Variants in KLHL1 observed in about 807,000 individuals in gnomAD.
KLHL1 encodes kelch like family member 1, also known as kelch-like protein 1.
A neutral mutation model predicts 77.7 loss-of-function variants in KLHL1; 47 were observed. The observed-to-expected ratio is 0.60, with a 90% CI of 0.48 to 0.77. The LOEUF is 0.77. KLHL1 is among the 30% of genes least tolerant of loss of function. KLHL1 has a pLI of 0.00. For missense variants in KLHL1, 925 were observed against 910.8 expected, an observed-to-expected ratio of 1.02 and a Z score of -0.20; for synonymous variants, 360 against 325.2, an observed-to-expected ratio of 1.11 and a Z score of -1.15.
At chr13:69,919,975 G>T (rs1260148001) in intron 4 of KLHL1, among the ~76,000 whole-genome samples, 2 of 151,912 alleles carry the variant, frequency 1.3e-5, no homozygotes, top group Non-Finnish European at 2.9e-5. Flanking sequence ...TAACTCACTT[G>T]CTTGCTTGTA....
chr13:69,912,063 T>C (rs1309405829), intron 4 of KLHL1, among the ~76,000 whole-genome samples: 1 of 152,140 alleles, frequency 6.6e-6, no homozygotes, highest in Non-Finnish European at 1.5e-5. Context: ...TCTCAACTTG[T>C]TAAGATAAAG....
intron 3 of KLHL1, among the ~76,000 whole-genome samples, chr13:69,952,241 C>A (rs191185922): frequency 1.3e-5 from 2 of 151,208 alleles, no homozygotes; most frequent in Non-Finnish European, 3.0e-5. Context: ...AGTGCATAGC[C>A]CAGGAAAACA....
At chr13:69,765,078 A>C (rs1033354323) in intron 7 of KLHL1, among the ~76,000 whole-genome samples, 1 of 150,552 alleles carries the variant, frequency 6.6e-6, no homozygotes, top group Non-Finnish European at 1.5e-5. Flanking sequence ...TAAACTCCTG[A>C]GTACCTGGGA....
At chr13:70,068,850 C>G (rs559896377) in intron 1 of KLHL1, among the ~76,000 whole-genome samples, 1 of 152,222 alleles carries the variant, frequency 6.6e-6, no homozygotes, top group East Asian at 1.9e-4. Flanking sequence ...GGGGCTCAGT[C>G]TCGTCGTGGG....
intron 1 of KLHL1, among the ~76,000 whole-genome samples, chr13:70,093,711 T>G (rs1175118584): frequency 2.0e-5 from 3 of 152,186 alleles, no homozygotes; most frequent in Non-Finnish European, 4.4e-5. Flanking sequence ...TTTATGACTT[T>G]GTTTTCTCAT....
At chr13:69,924,475 T>C (rs1296056165) in intron 4 of KLHL1, among the ~76,000 whole-genome samples, 1 of 152,180 alleles carries the variant, frequency 6.6e-6, no homozygotes, top group African/African-American at 2.4e-5. Flanking sequence ...TCTCACCCCT[T>C]CTGAGAGCTG....
intron 2 of KLHL1, among the ~76,000 whole-genome samples, chr13:69,962,373 A>T (rs1367453576): frequency 6.6e-6 from 1 of 151,978 alleles, no homozygotes; most frequent in East Asian, 1.9e-4. Context: ...TTCTTTTTAC[A>T]TTTAGGTAGA....
At chr13:70,069,135 G>A (rs1021400220) in intron 1 of KLHL1, among the ~76,000 whole-genome samples, 5 of 152,080 alleles carry the variant, frequency 3.3e-5, no homozygotes, top group Admixed American at 6.6e-5. Flanking sequence ...ACTAAAAGAC[G>A]GAGACCTAGT....
Position 69,785,833 on chromosome 13 carries a change from C to A in KLHL1, c.1639+10905G>T, listed in dbSNP as rs188196838. ...AAAATGATAAAGGGGATATCGCCAC[C>A]GATCCCACAGAAATACAAACTACCA... On this transcript the variant is annotated intron_variant, in intron 7 of 10. Transcript: ENST00000377844. 3.8e-3 allele frequency among the ~76,000 whole-genome samples: 582 copies of A among 152,088 alleles called. 3 individuals carry two copies. Among genetic ancestry groups the A allele is most frequent in the African/African-American group, 0.013 (554 of 41,502 alleles).
intron 5 of KLHL1, among the ~76,000 whole-genome samples, chr13:69,839,667 T>C (rs989220335): frequency 2.0e-5 from 3 of 151,946 alleles, no homozygotes; most frequent in Non-Finnish European, 4.4e-5. Context: ...TAACATCTCT[T>C]TAATTATATA....
chr13:69,883,744 C>T (rs1881092146), intron 4 of KLHL1, among the ~76,000 whole-genome samples: 1 of 152,178 alleles, frequency 6.6e-6, no homozygotes, highest in African/African-American at 2.4e-5. Context: ...CAGGATGGTA[C>T]AGTGTTTTAA....
intron 5 of KLHL1, among the ~76,000 whole-genome samples, chr13:69,868,658 C>T (rs1395136261): frequency 6.6e-6 from 1 of 151,968 alleles, no homozygotes; most frequent in Non-Finnish European, 1.5e-5. Context: ...TTGTGAGTAT[C>T]ATGATGATAG....
intron 3 of KLHL1, among the ~76,000 whole-genome samples, chr13:69,960,895 T>C (rs1884042003): frequency 6.6e-6 from 1 of 152,028 alleles, no homozygotes; most frequent in African/African-American, 2.4e-5. Flanking sequence ...ACATTAACTA[T>C]TCCGTGAAAA....
intron 8 of KLHL1, among the ~76,000 whole-genome samples, chr13:69,719,969 T>C (rs75118882): frequency 0.089 from 13,524 of 152,112 alleles, 830 homozygotes; most frequent in African/African-American, 0.17. Context: ...CATTATCCTA[T>C]TTGTTGATAA....
At chr13:70,036,680 CAAT>C (rs1886245722) in intron 1 of KLHL1, among the ~76,000 whole-genome samples, 1 of 151,758 alleles carries the variant, frequency 6.6e-6, no homozygotes, top group African/African-American at 2.4e-5. Context: ...TGTTCATTTT[CAAT>C]GAAGTAGGAT....
intron 6 of KLHL1, among the ~76,000 whole-genome samples, chr13:69,825,543 T>G (rs1304338260): frequency 6.6e-6 from 1 of 152,142 alleles, no homozygotes; most frequent in Non-Finnish European, 1.5e-5. Context: ...ATATTTATAT[T>G]TTGTATTTTA....
At chr13:69,780,514 C>G (rs1009951965) in intron 7 of KLHL1, among the ~76,000 whole-genome samples, 1 of 151,482 alleles carries the variant, frequency 6.6e-6, no homozygotes, top group African/African-American at 2.4e-5. Context: ...TGAAAGCTGA[C>G]AGCCTAAAAT....
In KLHL1 at chr13:69,882,399, C is replaced by G; in HGVS notation, c.1111G>C (p.Asp371His). The change falls in exon 5 of 11, where the codon GAT (aspartate) becomes CAT (histidine). Residue 371 changes from aspartate to histidine, a missense_variant. Transcript: ENST00000377844. ...LLASDDVNVP[D>H]EETIFHALMM... ...AATGCATGGAAGATGGTTTCTTCAT[C>G]AGGAACATTGACATCATCACTGGCC... The G allele has an allele frequency of 6.2e-7, 1 of 1,613,590 alleles. No homozygotes were observed. The highest frequency in any genetic ancestry group is 1.7e-5 in the Admixed American group (1 of 59,990).
At chr13:69,771,876 A>G (rs1477750778) in intron 7 of KLHL1, among the ~76,000 whole-genome samples, 1 of 152,242 alleles carries the variant, frequency 6.6e-6, no homozygotes, top group African/African-American at 2.4e-5. Context: ...ACTTCAAAAT[A>G]GCAAATACCA....
Sources: allele counts gnomAD v4.1 joint callset (sites outside exome capture counted in the v4.1 genomes callset), GRCh38; gene constraint gnomAD v4.1.1; transcripts MANE v1.5; gene names NCBI Gene and HGNC (gene_info 2026-07-23, HGNC 2026-07-21).